Variants in SFMBT1 observed in about 807,000 individuals in gnomAD.
The protein encoded by SFMBT1 is scm-like with four MBT domains protein 1.
In SFMBT1, 32 loss-of-function variants were observed where a neutral mutation model predicts 108.7. The observed-to-expected ratio is 0.29, with a 90% CI of 0.22 to 0.40. SFMBT1 has a LOEUF of 0.40. SFMBT1 is among the 10% of genes least tolerant of loss of function. The pLI is 1.00. For synonymous variants in SFMBT1, 348 were observed against 369.5 expected (o/e 0.94, Z 0.67); for missense variants, 816 against 1,059.6 (o/e 0.77, Z 3.19).
At chr3:52,935,409 A>C (rs1281567341) in intron 4 of SFMBT1, among the ~76,000 whole-genome samples, 1 of 152,168 alleles carries the variant, frequency 6.6e-6, no homozygotes, top group Non-Finnish European at 1.5e-5. Flanking sequence ...CTGCTTTCAC[A>C]CTACAAAGGT....
chr3:52,925,945 T>TTAA (rs1299812378), intron 10 of SFMBT1, 86 bp downstream of exon 10: 19 of 1,236,562 alleles, frequency 1.5e-5, no homozygotes, highest in Admixed American at 2.4e-5. Flanking sequence ...GATGATTATC[T>TTAA]TCAGAGCAAT....
chr3:52,945,098 C>T (rs1703312902), intron 3 of SFMBT1, among the ~76,000 whole-genome samples: 1 of 123,968 alleles, frequency 8.1e-6, no homozygotes, highest in Admixed American at 8.9e-5. Flanking sequence ...ACCACTGTGC[C>T]TGGCCCAAAT....
intron 1 of SFMBT1, among the ~76,000 whole-genome samples, chr3:53,009,335 C>A (rs1698864446): frequency 6.6e-6 from 1 of 151,984 alleles, no homozygotes; most frequent in South Asian, 2.1e-4. Context: ...GTAATCTCAG[C>A]TACTCGGGAG....
chr3:53,034,113 A>G (rs1225187547), intron 1 of SFMBT1, among the ~76,000 whole-genome samples: 1 of 148,534 alleles, frequency 6.7e-6, no homozygotes, highest in Non-Finnish European at 1.5e-5. Flanking sequence ...ATTCCTTAAT[A>G]TCATCTATTA....
chr3:52,914,110 T>C (rs888450218), intron 14 of SFMBT1, among the ~76,000 whole-genome samples: 12 of 152,220 alleles, frequency 7.9e-5, no homozygotes, highest in Non-Finnish European at 1.6e-4. Flanking sequence ...CTCTGAGATT[T>C]CTCAGAGGGC....
intron 2 of SFMBT1, among the ~76,000 whole-genome samples, chr3:52,956,381 A>G (rs1486412202): frequency 6.6e-6 from 1 of 152,116 alleles, no homozygotes; most frequent in Non-Finnish European, 1.5e-5. Context: ...AATTGCTTGA[A>G]CCTGGGAAGC....
At chr3:52,933,604 T>C (rs948037147) in intron 5 of SFMBT1, among the ~76,000 whole-genome samples, 1 of 152,230 alleles carries the variant, frequency 6.6e-6, no homozygotes, top group South Asian at 2.1e-4. Flanking sequence ...TAGAATAGTT[T>C]ATCAATTCAT....
chr3:53,027,777 T>G (rs1398598488), intron 1 of SFMBT1, among the ~76,000 whole-genome samples: 1 of 152,208 alleles, frequency 6.6e-6, no homozygotes, highest in Non-Finnish European at 1.5e-5. Flanking sequence ...ACAGGAAATT[T>G]GCTTCCTCTT....
Position 52,928,637 on chromosome 3 carries a change from C to CATATATACATATATATACATAT in SFMBT1, c.898-297_898-296insATATGTATATATATGTATATAT, listed in dbSNP as rs1559514046. The stretch of plus-strand genomic sequence containing the variant: ...ATATATACATATATACATATATATA[C>CATATATACATATATATACATAT]ATATATATATATATATACACATATA... On this transcript the variant is annotated intron_variant, in intron 8 of 20. Coordinates refer to ENST00000394752, the MANE Select transcript of SFMBT1 (RefSeq NM_016329.4). 6.1e-4 allele frequency: 48 copies of CATATATACATATATATACATAT among 78,442 alleles called. 1 individual carries two copies. Among genetic ancestry groups the CATATATACATATATATACATAT allele is most frequent in the African/African-American group, 2.4e-3 (47 of 19,758 alleles). The allele number at this position is 78,442 out of a possible 1,614,324, so 4.9% of individuals were successfully genotyped here. A position where few individuals can be genotyped will look rare whatever the true frequency, so the allele number is the denominator to read the frequency against.
chr3:52,930,983 C>T lies in SFMBT1; in HGVS notation c.753G>A (p.Val251=), dbSNP rs1216638464. ...GTAATGGCTCTTCCTCTTCCTCTTT[C>T]ACTTTGGCCAAAATCTCTTGCCACT... ...EAEWQEILAK[V]KEEEEEPLPS... Residue 251 remains valine, a synonymous_variant, in exon 7 of 21, where the codon GTG becomes GTA. Coordinates refer to ENST00000394752, the MANE Select transcript of SFMBT1 (RefSeq NM_016329.4). 2 of 1,614,098 alleles carry T rather than the reference C, an allele frequency of 1.2e-6. No individual in the cohort carries two copies. The highest frequency in any genetic ancestry group is 1.7e-5 in the Admixed American group (1 of 60,024).
rs373338686 is a variant in SFMBT1 at position 52,932,926 on chromosome 3, A to T, written c.454-618T>A. Among the ~76,000 whole-genome samples the T allele has an allele frequency of 3.9e-5, 6 of 152,252 alleles. 1 individual carries two copies. The highest frequency in any genetic ancestry group is 3.9e-4 in the Admixed American group (6 of 15,292). ...ATTCTGTCTTTATAAAAAATTTAAA[A>T]ATTTAAAAAAAGCAAATATCAAAAT... On this transcript the variant is annotated intron_variant, in intron 5 of 20. Coordinates refer to ENST00000394752, the MANE Select transcript of SFMBT1 (RefSeq NM_016329.4).
chr3:52,962,340 T>C (rs566075040), intron 2 of SFMBT1, among the ~76,000 whole-genome samples: 2 of 152,226 alleles, frequency 1.3e-5, no homozygotes, highest in Non-Finnish European at 2.9e-5. Context: ...AACCCTGACG[T>C]CCATCAATAA....
At chr3:53,003,528 C>T (rs1036779206) in intron 1 of SFMBT1, among the ~76,000 whole-genome samples, 1 of 149,998 alleles carries the variant, frequency 6.7e-6, no homozygotes, top group Non-Finnish European at 1.5e-5. Flanking sequence ...ACATGATATT[C>T]TCTCCGTTTT....
At chr3:53,003,121 C>CAA (rs397894876) in intron 1 of SFMBT1, among the ~76,000 whole-genome samples, 1,621 of 61,150 alleles carry the variant, frequency 0.027, 2 homozygotes, top group African/African-American at 0.031. Flanking sequence ...GACTCCATCA[C>CAA]AAAAAAAAAA....
rs1474635785 is a variant in SFMBT1 at position 52,928,082 on chromosome 3, C to T, written c.1048+109G>A. 8.0e-6 allele frequency: 11 copies of T among 1,377,822 alleles called. No homozygotes were observed. The South Asian group carries it at 8.6e-5, about 11-fold the overall frequency. The allele number at this position is 1,377,822 out of a possible 1,614,324, so 85.3% of individuals were successfully genotyped here. On this transcript the variant is annotated intron_variant, in intron 9 of 20. Transcript: ENST00000394752. ...TCTCAGACCCCAAAAACGTTAGGAA[C>T]AGGCTAGGGCAGGAGGAGAGGGACA...
At chr3:53,015,202 A>G in intron 1 of SFMBT1, among the ~76,000 whole-genome samples, 1 of 150,624 alleles carries the variant, frequency 6.6e-6, no homozygotes, top group Admixed American at 6.7e-5. Context: ...GGTGAGAGAG[A>G]CCCTGTCCCA....
At chr3:53,023,409 A>G (rs1035647929) in intron 1 of SFMBT1, among the ~76,000 whole-genome samples, 2 of 152,214 alleles carry the variant, frequency 1.3e-5, no homozygotes, top group African/African-American at 4.8e-5. Context: ...TAGCTTTCTT[A>G]TATTTCAGTC....
At chr3:53,022,844 A>G (rs1367126911) in intron 1 of SFMBT1, among the ~76,000 whole-genome samples, 1 of 152,224 alleles carries the variant, frequency 6.6e-6, no homozygotes, top group Admixed American at 6.5e-5. Context: ...GACTGTGGTA[A>G]TGGTTGCACA....
At chr3:52,949,741 G>C (rs756358082) in intron 3 of SFMBT1, among the ~76,000 whole-genome samples, 1 of 151,486 alleles carries the variant, frequency 6.6e-6, no homozygotes, top group Non-Finnish European at 1.5e-5. Context: ...CACCACGCCT[G>C]GCTAATTTTG....
Sources: gnomAD v4.1 joint callset for allele counts (sites outside exome capture counted in the v4.1 genomes callset) on GRCh38, gnomAD v4.1.1 for gene constraint, MANE v1.5 for transcripts, NCBI Gene and HGNC (gene_info 2026-07-23, HGNC 2026-07-21) for gene names.